GRM5: variants seen among roughly 807,000 people sequenced by gnomAD.
GRM5 encodes metabotropic glutamate receptor 5.
Under a neutral mutation model 83.1 loss-of-function variants are expected in GRM5, and 19 were observed. The ratio of observed to expected loss-of-function variants is 0.23; its 90% CI spans 0.16 to 0.34. The LOEUF is 0.34. GRM5 is among the 10% of genes least tolerant of loss of function. The pLI, the probability that GRM5 is intolerant of heterozygous loss-of-function variation, is 1.00. For missense variants in GRM5, 1,160 were observed against 1,588.3 expected, an observed-to-expected ratio of 0.73 and a Z score of 4.58; for synonymous variants, 675 against 633.6, an observed-to-expected ratio of 1.07 and a Z score of -0.98.
intron 4 of GRM5, among the ~76,000 whole-genome samples, chr11:88,642,818 CTT>C (rs939330563): frequency 7.2e-5 from 11 of 152,278 alleles, no homozygotes; most frequent in African/African-American, 2.6e-4. Flanking sequence ...CTATCTGAGA[CTT>C]TATCCGCCTG....
At chr11:88,985,715 T>C (rs372044160) in intron 2 of GRM5, among the ~76,000 whole-genome samples, 2 of 152,164 alleles carry the variant, frequency 1.3e-5, no homozygotes, top group Non-Finnish European at 2.9e-5. Context: ...ATTATTATCA[T>C]AGCAACACTA....
chr11:88,570,445 T>C (rs1445607066), intron 7 of GRM5, among the ~76,000 whole-genome samples: 1 of 150,406 alleles, frequency 6.6e-6, no homozygotes, highest in East Asian at 1.9e-4. Flanking sequence ...GTGCTTCCTA[T>C]ATAGTTGGAA....
intron 3 of GRM5, among the ~76,000 whole-genome samples, chr11:88,808,274 A>G (rs1217288787): frequency 1.3e-5 from 2 of 152,058 alleles, no homozygotes; most frequent in East Asian, 3.8e-4. Context: ...ATAGCAAGAT[A>G]TAAGAAAATC....
intron 3 of GRM5, among the ~76,000 whole-genome samples, chr11:88,798,529 C>G (rs779520566): frequency 6.6e-6 from 1 of 151,958 alleles, no homozygotes; most frequent in African/African-American, 2.4e-5. Flanking sequence ...TGTGGGGCAG[C>G]GATCAAGGCA....
intron 2 of GRM5, among the ~76,000 whole-genome samples, chr11:88,918,103 A>G (rs1945624873): frequency 6.6e-6 from 1 of 152,054 alleles, no homozygotes; most frequent in Non-Finnish European, 1.5e-5. Context: ...AACAACATAC[A>G]AAGGAGCACC....
At chr11:88,573,109 G>T (rs1943038789) in intron 7 of GRM5, among the ~76,000 whole-genome samples, 1 of 152,000 alleles carries the variant, frequency 6.6e-6, no homozygotes, top group African/African-American at 2.4e-5. Context: ...TTTTATACTT[G>T]ATTCGTAAGT....
intron 1 of GRM5, among the ~76,000 whole-genome samples, chr11:89,050,095 C>T (rs1941727121): frequency 6.6e-6 from 1 of 152,134 alleles, no homozygotes; most frequent in African/African-American, 2.4e-5. Flanking sequence ...CAATCCCATG[C>T]ATTTTATTCA....
At chr11:88,897,844 T>C (rs147785594) in intron 2 of GRM5, among the ~76,000 whole-genome samples, 216 of 152,034 alleles carry the variant, frequency 1.4e-3, no homozygotes, top group African/African-American at 5.1e-3. Context: ...AAGGTTTTGG[T>C]GAAGATAATT....
At chr11:88,986,901 G>C (rs1939736570) in intron 2 of GRM5, among the ~76,000 whole-genome samples, 2 of 151,952 alleles carry the variant, frequency 1.3e-5, no homozygotes, top group African/African-American at 4.8e-5. Context: ...TAAGACAAGA[G>C]TCCAGGCCTG....
intron 2 of GRM5, among the ~76,000 whole-genome samples, chr11:88,871,649 T>C (rs1431529940): frequency 6.6e-6 from 1 of 151,210 alleles, no homozygotes; most frequent in Non-Finnish European, 1.5e-5. Flanking sequence ...AAGGAGAGAA[T>C]CCATCTAAGC....
At chr11:88,705,853 C>T (rs1478360787) in intron 3 of GRM5, among the ~76,000 whole-genome samples, 2 of 151,992 alleles carry the variant, frequency 1.3e-5, no homozygotes, top group Non-Finnish European at 2.9e-5. Context: ...CATCTCTCAA[C>T]TTATGACATT....
chr11:88,541,944 A>T (rs546759219), intron 8 of GRM5, among the ~76,000 whole-genome samples: 8 of 152,114 alleles, frequency 5.3e-5, no homozygotes, highest in Non-Finnish European at 8.8e-5. Flanking sequence ...TTCTTGTGAG[A>T]TCTAAAGGTT....
chr11:88,983,883 T>C (rs1939604974), intron 2 of GRM5, among the ~76,000 whole-genome samples: 1 of 152,058 alleles, frequency 6.6e-6, no homozygotes, highest in Non-Finnish European at 1.5e-5. Flanking sequence ...CCTGATTCTT[T>C]GTAGACCGAA....
intron 6 of GRM5, among the ~76,000 whole-genome samples, chr11:88,595,684 G>T (rs1455394937): frequency 6.6e-6 from 1 of 151,964 alleles, no homozygotes; most frequent in African/African-American, 2.4e-5. Flanking sequence ...ATTCAATCTG[G>T]CAGGCCCAGA....
chr11:88,989,558 AT>A (rs894254232), intron 2 of GRM5, among the ~76,000 whole-genome samples: 1 of 136,740 alleles, frequency 7.3e-6, no homozygotes, highest in African/African-American at 2.9e-5. Context: ...CAGAATATAC[AT>A]TTTTTTCAGC....
intron 2 of GRM5, among the ~76,000 whole-genome samples, chr11:88,902,830 G>C (rs1450241063): frequency 6.6e-6 from 1 of 151,392 alleles, no homozygotes; most frequent in Admixed American, 6.6e-5. Flanking sequence ...ATGCGCCTGT[G>C]GTACCAGCTA....
intron 9 of GRM5, among the ~76,000 whole-genome samples, chr11:88,515,036 G>A (rs12274724): frequency 0.14 from 21,074 of 151,852 alleles, 1,589 homozygotes; most frequent in Non-Finnish European, 0.16. Context: ...AGAATCACTC[G>A]ATCCTCTCTT....
chr11:88,577,413 T>C (rs1193465621), intron 7 of GRM5, among the ~76,000 whole-genome samples: 4 of 152,122 alleles, frequency 2.6e-5, no homozygotes, highest in Non-Finnish European at 5.9e-5. Flanking sequence ...ATTAAAGAGA[T>C]TGAACATTGT....
intron 4 of GRM5, among the ~76,000 whole-genome samples, chr11:88,629,879 C>T (rs1405754419): frequency 2.0e-5 from 3 of 152,160 alleles, no homozygotes; most frequent in African/African-American, 7.2e-5. Flanking sequence ...TGAGTAAAAG[C>T]CAAAGTCAGC....
Sources: allele counts gnomAD v4.1 joint callset (sites outside exome capture counted in the v4.1 genomes callset), GRCh38; gene constraint gnomAD v4.1.1; transcripts MANE v1.5; gene names NCBI Gene and HGNC (gene_info 2026-07-23, HGNC 2026-07-21).